Variants in GPHN observed in about 807,000 individuals in gnomAD.
GPHN encodes the protein gephyrin.
In GPHN, 17 loss-of-function variants were observed where a neutral mutation model predicts 95.5. The ratio of observed to expected loss-of-function variants is 0.18; its 90% CI spans 0.12 to 0.27. GPHN has a LOEUF of 0.27. Ranked by LOEUF, GPHN falls within the 10% of genes least tolerant of loss-of-function variation. GPHN has a pLI of 1.00. For missense variants in GPHN, 660 were observed against 978.1 expected (o/e 0.67, Z 4.34); for synonymous variants, 320 against 322.5 (o/e 0.99, Z 0.08).
intron 1 of GPHN, among the ~76,000 whole-genome samples, chr14:66,519,049 A>G (rs1396743449): frequency 6.6e-6 from 1 of 152,030 alleles, no homozygotes; most frequent in Non-Finnish European, 1.5e-5. Flanking sequence ...TAATCTGATC[A>G]CCATACATTA....
At chr14:67,453,434 C>A in the GPHN span, among the ~76,000 whole-genome samples, 2 of 152,220 alleles carry the variant, frequency 1.3e-5, no homozygotes, top group African/African-American at 4.8e-5. Context: ...CCTGCACACA[C>A]CTCCCATCAG....
intron 11 of GPHN, among the ~76,000 whole-genome samples, chr14:67,074,083 C>T (rs1480336468): frequency 6.6e-6 from 1 of 152,068 alleles, no homozygotes; most frequent in Non-Finnish European, 1.5e-5. Flanking sequence ...TTGAGGGCAT[C>T]CACCATGTTA....
At position 66,865,247 on chromosome 14, in the gene GPHN, A is replaced by G. The variant is rs533497324; in HGVS notation, c.295-14692A>G. On this transcript the variant is annotated intron_variant, in intron 4 of 22. Coordinates refer to ENST00000478722, the MANE Select transcript of GPHN (RefSeq NM_020806.5). ...TTATATATTTTTAAATAAAAAATATAATTGGATTGACTAACACAAAGGATA... is the reference window on the plus strand; with the variant it reads ...TTATATATTTTTAAATAAAAAATATGATTGGATTGACTAACACAAAGGATA... Among the ~76,000 whole-genome samples the G allele has an allele frequency of 1.4e-4, 22 of 152,060 alleles. No homozygotes were observed. In the East Asian group the frequency reaches 4.2e-3, roughly 29 times the overall value.
chr14:67,651,433 G>A, the GPHN span: 8 of 1,613,984 alleles, frequency 5.0e-6, no homozygotes, highest in South Asian at 1.1e-5. Flanking sequence ...CCAGGATGGC[G>A]AGCTCCAGTA....
At chr14:67,057,407 T>TA in intron 10 of GPHN, among the ~76,000 whole-genome samples, 1 of 124,544 alleles carries the variant, frequency 8.0e-6, no homozygotes, top group South Asian at 2.7e-4. Context: ...CATGGGCACA[T>TA]GGGTGGGGGG....
chr14:66,715,495 G>A (rs150154434), intron 2 of GPHN, among the ~76,000 whole-genome samples: 14 of 151,924 alleles, frequency 9.2e-5, no homozygotes, highest in South Asian at 4.2e-4. Context: ...TGCTCTGATC[G>A]TGGTTATTTC....
At chr14:67,408,401 T>C in the GPHN span, among the ~76,000 whole-genome samples, 199 of 151,944 alleles carry the variant, frequency 1.3e-3, 2 homozygotes, top group Non-Finnish European at 2.3e-3. Flanking sequence ...ATGGGTTGAA[T>C]TGTATTTCCC....
At chr14:66,941,272 G>A (rs2067414634) in intron 8 of GPHN, among the ~76,000 whole-genome samples, 1 of 151,302 alleles carries the variant, frequency 6.6e-6, no homozygotes, top group African/African-American at 2.4e-5. Flanking sequence ...AAAAAATCAT[G>A]ATAGGACTGA....
intron 1 of GPHN, among the ~76,000 whole-genome samples, chr14:66,668,232 C>G (rs1595474152): frequency 6.6e-6 from 1 of 152,172 alleles, no homozygotes; most frequent in African/African-American, 2.4e-5. Context: ...GGCAATTCCT[C>G]AAAGACCTAA....
the GPHN span, among the ~76,000 whole-genome samples, chr14:67,326,361 G>A: frequency 1.4e-5 from 2 of 147,446 alleles, no homozygotes; most frequent in Non-Finnish European, 3.0e-5. Flanking sequence ...ATAGGCATGT[G>A]CCACAGGTCC....
intron 2 of GPHN, among the ~76,000 whole-genome samples, chr14:66,741,253 C>T (rs552578292): frequency 2.0e-5 from 3 of 152,124 alleles, no homozygotes; most frequent in African/African-American, 7.2e-5. Context: ...TAAGATCTAG[C>T]AATATTTATG....
chr14:67,263,352 C>T, the GPHN span, among the ~76,000 whole-genome samples: 2 of 151,878 alleles, frequency 1.3e-5, no homozygotes, highest in African/African-American at 4.8e-5. Flanking sequence ...CCCCTTGTGC[C>T]CTGGGAGTAC....
intron 12 of GPHN, among the ~76,000 whole-genome samples, chr14:67,098,139 A>G (rs1160870748): frequency 6.6e-6 from 1 of 151,696 alleles, no homozygotes; most frequent in South Asian, 2.1e-4. Context: ...AACTTAAAGT[A>G]TAATAATAAT....
intron 1 of GPHN, chr14:66,509,174 T>A (rs1457535762): frequency 6.4e-6 from 1 of 155,092 alleles, no homozygotes; most frequent in Non-Finnish European, 1.4e-5. Flanking sequence ...ACCCTTCGCC[T>A]CCCTCGGGGG....
At chr14:67,193,968 A>G in the GPHN span, among the ~76,000 whole-genome samples, 2 of 150,306 alleles carry the variant, frequency 1.3e-5, no homozygotes, top group African/African-American at 2.5e-5. Flanking sequence ...AAAAAAACGA[A>G]AAACAAAAAA....
At chr14:67,507,039 T>C in the GPHN span, among the ~76,000 whole-genome samples, 1 of 152,056 alleles carries the variant, frequency 6.6e-6, no homozygotes, top group Non-Finnish European at 1.5e-5. Flanking sequence ...GAACTGAAGA[T>C]AGCCTAGCCA....
the GPHN span, among the ~76,000 whole-genome samples, chr14:67,708,924 C>T: frequency 6.6e-6 from 1 of 151,774 alleles, no homozygotes; most frequent in African/African-American, 2.4e-5. Flanking sequence ...TCACGAGTAG[C>T]TGGGACTACA....
chr14:67,013,046 C>T (rs1397345281), intron 9 of GPHN, among the ~76,000 whole-genome samples: 2 of 152,044 alleles, frequency 1.3e-5, no homozygotes, highest in Non-Finnish European at 2.9e-5. Context: ...ATAGCAAGGT[C>T]TTTATCAATT....
the GPHN span, chr14:67,587,183 G>C: frequency 2.5e-6 from 4 of 1,613,804 alleles, no homozygotes; most frequent in South Asian, 4.4e-5. Flanking sequence ...CTGGATGGAC[G>C]ACAGTTCTTT....
Sources: gnomAD v4.1 joint callset for allele counts (sites outside exome capture counted in the v4.1 genomes callset) on GRCh38, gnomAD v4.1.1 for gene constraint, MANE v1.5 for transcripts, NCBI Gene and HGNC (gene_info 2026-07-23, HGNC 2026-07-21) for gene names.